Variants in CDK5RAP2 observed in about 807,000 individuals in gnomAD.
CDK5RAP2 encodes the protein CDK5 regulatory subunit-associated protein 2.
CDK5RAP2 carries 147 observed loss-of-function variants against 232.9 expected under a neutral mutation model. The ratio of observed to expected loss-of-function variants is 0.63; its 90% confidence interval spans 0.55 to 0.72. The LOEUF is 0.72. Ranked by LOEUF, CDK5RAP2 falls within the 30% of genes least tolerant of loss-of-function variation. CDK5RAP2 has a pLI of 0.00. For synonymous variants in CDK5RAP2, 833 were observed against 833.7 expected (o/e 1.00, Z 0.01); for missense variants, 2,195 against 2,231.5 (o/e 0.98, Z 0.33).
chr9:120,453,892 A>T lies in CDK5RAP2; in HGVS notation c.2376-19T>A. 6.2e-7 allele frequency: 1 copy of T among 1,613,640 alleles called. No individual in the cohort carries two copies. Among genetic ancestry groups the T allele is most frequent in the Non-Finnish European group, 8.5e-7 (1 of 1,179,694 alleles). The stretch of plus-strand genomic sequence containing the variant: ...GTCTGGCCTGTTTTTCCAAAAGGGA[A>T]GGAAGTGGGAGAACCAAGCTTTCTG... On this transcript the variant is annotated intron_variant, in intron 20 of 37. Transcript: ENST00000349780.
chr9:120,545,209 T>A (rs912523916), intron 5 of CDK5RAP2, among the ~76,000 whole-genome samples: 3 of 152,106 alleles, frequency 2.0e-5, no homozygotes, highest in African/African-American at 7.2e-5. Flanking sequence ...CCCCTTCAAG[T>A]CACCCCAGGC....
intron 14 of CDK5RAP2, among the ~76,000 whole-genome samples, 177 bp downstream of exon 14, chr9:120,487,117 T>C (rs966225749): frequency 1.3e-5 from 2 of 152,220 alleles, no homozygotes; most frequent in Admixed American, 1.3e-4. Context: ...CTAATATTCA[T>C]TGAAGGATAT....
At chr9:120,509,968 T>C (rs1001396924) in intron 12 of CDK5RAP2, among the ~76,000 whole-genome samples, 6 of 150,480 alleles carry the variant, frequency 4.0e-5, no homozygotes, top group African/African-American at 7.4e-5. Context: ...CACACACACA[T>C]ATATATACAT....
chr9:120,501,035 A>G (rs2039550544), intron 12 of CDK5RAP2, among the ~76,000 whole-genome samples: 1 of 152,166 alleles, frequency 6.6e-6, no homozygotes, highest in African/African-American at 2.4e-5. Context: ...AGCACCTACC[A>G]TTGTTCCAGG....
chr9:120,396,915 C>T (rs780364003), intron 35 of CDK5RAP2, among the ~76,000 whole-genome samples: 14 of 152,230 alleles, frequency 9.2e-5, no homozygotes, highest in Admixed American at 7.2e-4. Flanking sequence ...AGCTATATGA[C>T]GCTGAAGCAA....
At position 120,403,130 on chromosome 9, in the gene CDK5RAP2, G is replaced by A. The variant is rs1019870520; in HGVS notation, c.5042-59C>T. Reference sequence around the variant, plus strand: ...TCAGGTAACACTCTGCGTTCAAGACGCTTATGATGTTGAAGCTAGCTAGGA... The same window carrying A: ...TCAGGTAACACTCTGCGTTCAAGACACTTATGATGTTGAAGCTAGCTAGGA... On this transcript the variant is annotated intron_variant, in intron 33 of 37. Coordinates refer to ENST00000349780, the MANE Select transcript of CDK5RAP2 (RefSeq NM_018249.6). The surrounding 1 kb of genome is among the most constrained non-coding windows in gnomAD (Gnocchi z 4.2). The A allele has an allele frequency of 3.2e-6, 5 of 1,573,296 alleles. No homozygotes were observed. The highest frequency in any genetic ancestry group is 4.5e-5 in the East Asian group (2 of 44,710).
chr9:120,523,771 T>C (rs1467130913), intron 11 of CDK5RAP2, among the ~76,000 whole-genome samples: 1 of 152,236 alleles, frequency 6.6e-6, no homozygotes, highest in African/African-American at 2.4e-5. Flanking sequence ...TTTATTAAGT[T>C]ATTTAGTGAT....
chr9:120,494,463 T>C (rs988463611), intron 12 of CDK5RAP2, among the ~76,000 whole-genome samples: 2 of 152,154 alleles, frequency 1.3e-5, no homozygotes, highest in Non-Finnish European at 2.9e-5. Flanking sequence ...TGAGGAGTCA[T>C]GTTGAAAAGG....
At chr9:120,438,005 A>C (rs1388173676) in intron 24 of CDK5RAP2, among the ~76,000 whole-genome samples, 1 of 152,226 alleles carries the variant, frequency 6.6e-6, no homozygotes, top group Non-Finnish European at 1.5e-5. Context: ...AGGACCTGTC[A>C]GTAACTGAAT....
chr9:120,406,903 C>G, intron 32 of CDK5RAP2, 109 bp downstream of exon 32: 1 of 833,474 alleles, frequency 1.2e-6, no homozygotes, highest in East Asian at 2.4e-5. Flanking sequence ...TGTCAGCTAT[C>G]AATGGAAAGA....
chr9:120,413,803 T>TGATCGAG, intron 28 of CDK5RAP2, among the ~76,000 whole-genome samples: 1 of 114,966 alleles, frequency 8.7e-6, no homozygotes. Flanking sequence ...ATGGGCGCAG[T>TGATCGAG]GAGCGAGGAG....
chr9:120,540,143 A>C (rs745490497), intron 5 of CDK5RAP2, among the ~76,000 whole-genome samples: 3 of 152,202 alleles, frequency 2.0e-5, no homozygotes, highest in Non-Finnish European at 4.4e-5. Context: ...AGTGGTGGGA[A>C]CGGCACGCCC....
chr9:120,487,938 C>A (rs1282687124), intron 13 of CDK5RAP2, among the ~76,000 whole-genome samples: 1 of 152,126 alleles, frequency 6.6e-6, no homozygotes, highest in African/African-American at 2.4e-5. Flanking sequence ...GATCTGACTT[C>A]CAGGAAAAAA....
In CDK5RAP2 at chr9:120,437,292, T is replaced by C; in HGVS notation, c.3955+3A>G. 6.2e-7 allele frequency: 1 copy of C among 1,605,598 alleles called. No homozygotes were observed. ...TAAGACTCGCGTACCTCACCCTACC[T>C]ACCGTTGAGAAATAGCTTTTCCAAT... On this transcript the variant is annotated splice_donor_region_variant and intron_variant, in intron 25 of 37. Coordinates refer to ENST00000349780, the MANE Select transcript of CDK5RAP2 (RefSeq NM_018249.6).
At chr9:120,497,421 T>TAA (rs71385064) in intron 12 of CDK5RAP2, among the ~76,000 whole-genome samples, 693 of 23,112 alleles carry the variant, frequency 0.03, 40 homozygotes, top group Middle Eastern at 0.062. Flanking sequence ...AAAATAAATT[T>TAA]AAAAAAAAAA....
chr9:120,427,568 A>G (rs1000210136), intron 25 of CDK5RAP2, among the ~76,000 whole-genome samples: 14 of 152,208 alleles, frequency 9.2e-5, no homozygotes, highest in Non-Finnish European at 1.8e-4. Flanking sequence ...TCAGATGTGA[A>G]TATCAAGTGC....
At chr9:120,488,613 G>C (rs749674009) in intron 13 of CDK5RAP2, among the ~76,000 whole-genome samples, 4 of 152,116 alleles carry the variant, frequency 2.6e-5, no homozygotes, top group Non-Finnish European at 5.9e-5. Flanking sequence ...CTTAAGTTTA[G>C]ATTCTACCTA....
intron 3 of CDK5RAP2, among the ~76,000 whole-genome samples, chr9:120,567,456 C>T (rs1367765158): frequency 6.6e-6 from 1 of 152,184 alleles, no homozygotes; most frequent in African/African-American, 2.4e-5. Flanking sequence ...TCTCTTGTGT[C>T]TTGCATAGTA....
intron 11 of CDK5RAP2, among the ~76,000 whole-genome samples, chr9:120,520,077 T>C (rs2040546796): frequency 6.6e-6 from 1 of 152,224 alleles, no homozygotes; most frequent in Non-Finnish European, 1.5e-5. Context: ...TATATACACA[T>C]CTGTGAAATG....
Sources: gnomAD v4.1 joint callset for allele counts (sites outside exome capture counted in the v4.1 genomes callset) on GRCh38, gnomAD v4.1.1 for gene constraint, Gnocchi (gnomAD v3.1) non-coding constraint, MANE v1.5 for transcripts, NCBI Gene and HGNC (gene_info 2026-07-23, HGNC 2026-07-21) for gene names.